The following HOTAIR variants were observed in gnomAD, a reference collection of about 807,000 sequenced individuals.
HOTAIR encodes HOX transcript antisense RNA.
Position 53,973,609 on chromosome 12 carries a change from G to T in HOTAIR, n.59+1289C>A, listed in dbSNP as rs769147038. The T allele has an allele frequency of 6.2e-7, 1 of 1,613,320 alleles. No homozygotes were observed. The highest frequency in any genetic ancestry group is 8.5e-7 in the Non-Finnish European group (1 of 1,179,954). ...ATGAAAAACGAAGGCTCCTACGGCG[G>T]CCACCACCACCCCAGCGCCCCGCAC... On this transcript the variant is annotated intron_variant and non_coding_transcript_variant, in intron 1 of 6. Transcript: ENST00000424518. The surrounding 1 kb of genome is among the most constrained non-coding windows in gnomAD (Gnocchi z 4.3).
At chr12:53,970,421 A>C (rs1939130749) in intron 1 of HOTAIR, among the ~76,000 whole-genome samples, 1 of 152,054 alleles carries the variant, frequency 6.6e-6, no homozygotes, top group Non-Finnish European at 1.5e-5. Context: ...CAGGGAGGCT[A>C]CTCCAGACCA....
Position 53,973,577 on chromosome 12 carries a change from G to A in HOTAIR, n.59+1321C>T. The stretch of plus-strand genomic sequence containing the variant: ...GCCTGCCTCCTTCCACCGTCACCGA[G>A]ATCCTCATGAAAAACGAAGGCTCCT... On this transcript the variant is annotated intron_variant and non_coding_transcript_variant, in intron 1 of 6. Coordinates refer to ENST00000424518, the Ensembl canonical transcript of HOTAIR. The surrounding 1 kb of genome is among the most constrained non-coding windows in gnomAD (Gnocchi z 4.3). The A allele has an allele frequency of 6.2e-7, 1 of 1,613,210 alleles. No individual in the cohort carries two copies. The highest frequency in any genetic ancestry group is 1.1e-5 in the South Asian group (1 of 91,054).
chr12:53,974,833 C>A (rs1939225381), intron 1 of HOTAIR: 2 of 221,040 alleles, frequency 9.0e-6, no homozygotes, highest in Non-Finnish European at 8.8e-6. Flanking sequence ...ACTAGGAGGG[C>A]GGCCCAGGAA....
intron 1 of HOTAIR, among the ~76,000 whole-genome samples, chr12:53,971,775 A>C (rs920341846): frequency 6.6e-6 from 1 of 152,230 alleles, no homozygotes; most frequent in Non-Finnish European, 1.5e-5. Flanking sequence ...CTTTCAATAA[A>C]GTGATTTTCA....
intron 1 of HOTAIR, among the ~76,000 whole-genome samples, chr12:53,971,452 A>T (rs4512901): frequency 6.6e-6 from 1 of 152,032 alleles, no homozygotes; most frequent in Admixed American, 6.5e-5. Context: ...TAGGGGTTAC[A>T]TATGGAGACA....
exon 7 of HOTAIR, chr12:53,962,875 A>T (rs1352163599): frequency 6.6e-6 from 1 of 152,220 alleles, no homozygotes; most frequent in Admixed American, 6.5e-5. Flanking sequence ...GCAGGGTCCC[A>T]CTGCATAATC....
chr12:53,967,827 C>T (rs1429557410), intron 2 of HOTAIR, among the ~76,000 whole-genome samples: 1 of 152,114 alleles, frequency 6.6e-6, no homozygotes, highest in Non-Finnish European at 1.5e-5. Context: ...ATAAAATTGG[C>T]AGGCACTTTG....
intron 1 of HOTAIR, among the ~76,000 whole-genome samples, chr12:53,969,738 C>T (rs1281704983): frequency 2.0e-5 from 3 of 152,302 alleles, no homozygotes; most frequent in Non-Finnish European, 2.9e-5. Context: ...GGACTCTCTC[C>T]GCTTATCTTT....
intron 1 of HOTAIR, among the ~76,000 whole-genome samples, chr12:53,970,511 T>C (rs1273313705): frequency 6.6e-6 from 1 of 152,188 alleles, no homozygotes; most frequent in African/African-American, 2.4e-5. Flanking sequence ...CAACTGACAG[T>C]TGCTAGAGGT....
intron 1 of HOTAIR, among the ~76,000 whole-genome samples, chr12:53,969,149 C>T (rs1271830459): frequency 2.0e-5 from 3 of 152,244 alleles, no homozygotes; most frequent in African/African-American, 4.8e-5. Context: ...AAGGTATTTT[C>T]TGTGCCACTA....
intron 1 of HOTAIR, among the ~76,000 whole-genome samples, chr12:53,974,263 G>C (rs1201726077): frequency 6.6e-6 from 1 of 150,686 alleles, no homozygotes. Flanking sequence ...CGTGAACTTA[G>C]AGGAGCATTT....
chr12:53,969,882 C>T (rs967356500), intron 1 of HOTAIR, among the ~76,000 whole-genome samples: 7 of 152,266 alleles, frequency 4.6e-5, no homozygotes, highest in Admixed American at 4.6e-4. Context: ...ACGATCTGCT[C>T]TCTAGAACCC....
rs1939200814 is a variant in HOTAIR, at chr12:53,973,969, C to T, written n.59+929G>A. The T allele has an allele frequency of 3.6e-6, 5 of 1,402,830 alleles. No homozygotes were observed. The East Asian group carries it at 1.1e-4, about 30-fold the overall frequency. The allele number at this position is 1,402,830 out of a possible 1,614,324, so 86.9% of individuals were successfully genotyped here. On this transcript the variant is annotated intron_variant and non_coding_transcript_variant, in intron 1 of 6. Coordinates refer to ENST00000424518, the Ensembl canonical transcript of HOTAIR. The surrounding 1 kb of genome is among the most constrained non-coding windows in gnomAD (Gnocchi z 4.3). Reference sequence around the variant, plus strand: ...AACGGGCGGGCAGCGAGGGAGGGAGCGAGAGAGGGAGGGCGAGAGAAGGGG... The same window carrying T: ...AACGGGCGGGCAGCGAGGGAGGGAGTGAGAGAGGGAGGGCGAGAGAAGGGG...
intron 3 of HOTAIR, among the ~76,000 whole-genome samples, chr12:53,966,973 CAG>C (rs1188539209): frequency 6.6e-6 from 1 of 152,188 alleles, no homozygotes; most frequent in East Asian, 1.9e-4. Context: ...TGGGGATGAA[CAG>C]AGAGAAAGAA....
exon 7 of HOTAIR, chr12:53,962,414 T>C (rs1938967797): frequency 6.6e-6 from 1 of 152,218 alleles, no homozygotes; most frequent in Non-Finnish European, 1.5e-5. Context: ...TGTGAGTATA[T>C]ACTCCATAAG....
rs1228718982 is a variant in HOTAIR, at chr12:53,973,604, C to T, written n.59+1294G>A. ...TCCTCATGAAAAACGAAGGCTCCTACGGCGGCCACCACCACCCCAGCGCCC... is the reference window on the plus strand; with the variant it reads ...TCCTCATGAAAAACGAAGGCTCCTATGGCGGCCACCACCACCCCAGCGCCC... On this transcript the variant is annotated intron_variant and non_coding_transcript_variant, in intron 1 of 6. Coordinates refer to ENST00000424518, the Ensembl canonical transcript of HOTAIR. The surrounding 1 kb of genome is among the most constrained non-coding windows in gnomAD (Gnocchi z 4.3). 2 of 1,613,738 alleles carry T rather than the reference C, an allele frequency of 1.2e-6. No individual in the cohort carries two copies. Among genetic ancestry groups the T allele is most frequent in the Non-Finnish European group, 1.7e-6 (2 of 1,180,028 alleles).
At chr12:53,972,076 C>G (rs1309299528) in intron 1 of HOTAIR, among the ~76,000 whole-genome samples, 3 of 152,146 alleles carry the variant, frequency 2.0e-5, no homozygotes, top group Non-Finnish European at 4.4e-5. Context: ...CATACCTGGC[C>G]CCACCACCCA....
chr12:53,967,548 T>C (rs1001433831), intron 2 of HOTAIR, among the ~76,000 whole-genome samples: 1 of 152,234 alleles, frequency 6.6e-6, no homozygotes. Context: ...CCACTTATGT[T>C]ACAAAATGCC....
chr12:53,970,263 G>A (rs563432266), intron 1 of HOTAIR, among the ~76,000 whole-genome samples: 5 of 152,236 alleles, frequency 3.3e-5, no homozygotes, highest in East Asian at 1.9e-4. Flanking sequence ...CACCTGGAGC[G>A]GGCTTGACAA....
Sources: gnomAD v4.1 joint callset for allele counts (sites outside exome capture counted in the v4.1 genomes callset) on GRCh38, gnomAD v4.1.1 for gene constraint, Gnocchi (gnomAD v3.1) non-coding constraint, MANE v1.5 for transcripts, NCBI Gene and HGNC (gene_info 2026-07-23, HGNC 2026-07-21) for gene names.